Variants in ANK2 observed in about 807,000 individuals in gnomAD.
The protein encoded by ANK2 is ankyrin 2.
In ANK2, 83 loss-of-function variants were observed where a neutral mutation model predicts 360.5. The ratio of observed to expected loss-of-function variants is 0.23; its 90% confidence interval spans 0.19 to 0.28. The LOEUF (loss-of-function observed/expected upper bound fraction) is 0.28. Ranked by LOEUF, ANK2 falls within the 10% of genes least tolerant of loss-of-function variation. The pLI, the probability that ANK2 is intolerant of heterozygous loss-of-function variation, is 1.00. For synonymous variants in ANK2, 1,740 were observed against 1,759.5 expected, an observed-to-expected ratio of 0.99 and a Z score of 0.28; for missense variants, 4,201 against 4,795.7, an observed-to-expected ratio of 0.88 and a Z score of 3.66.
chr4:113,010,476 C>T (rs1386183188), intron 2 of ANK2, among the ~76,000 whole-genome samples: 2 of 152,154 alleles, frequency 1.3e-5, no homozygotes, highest in Non-Finnish European at 2.9e-5. Flanking sequence ...ATGCACCTGA[C>T]ATTGCACTAG....
chr4:112,890,544 T>C (rs536044293), intron 1 of ANK2, among the ~76,000 whole-genome samples: 192 of 148,636 alleles, frequency 1.3e-3, no homozygotes, highest in African/African-American at 4.4e-3. Context: ...ATTTATGATA[T>C]ACATTTCTGT....
chr4:112,804,869 G>T, the ANK2 span, among the ~76,000 whole-genome samples: 1 of 152,042 alleles, frequency 6.6e-6, no homozygotes, highest in South Asian at 2.1e-4. Flanking sequence ...GGCTGAGGCG[G>T]GAGGATTGCT....
intron 2 of ANK2, among the ~76,000 whole-genome samples, chr4:112,924,396 A>C (rs149393964): frequency 5.9e-4 from 90 of 151,866 alleles, no homozygotes; most frequent in African/African-American, 2.1e-3. Flanking sequence ...AACAGAAAAA[A>C]AGAAAAAAAA....
At position 113,317,531 on chromosome 4, in the gene ANK2, T is replaced by C. The variant is rs2083536218; in HGVS notation, c.2694-176T>C. On this transcript the variant is annotated intron_variant, in intron 24 of 45. Transcript: ENST00000357077. ...TGAGCGGTAGGAACCTGTCAAAGGA[T>C]GTGTTAGTTCAGCTGTTGGACAAAA... 8 of 661,068 alleles carry C rather than the reference T, an allele frequency of 1.2e-5. No individual in the cohort carries two copies. In the Admixed American group the frequency reaches 1.5e-4, roughly 12 times the overall value. The allele number at this position is 661,068 out of a possible 1,614,324, so 41.0% of individuals were successfully genotyped here. A position where few individuals can be genotyped will look rare whatever the true frequency, so the allele number is the denominator to read the frequency against.
At chr4:113,160,426 A>G in intron 1 of ANK2, 1 of 318,552 alleles carries the variant, frequency 3.1e-6, no homozygotes, top group South Asian at 2.5e-5. Flanking sequence ...GTGAATTAAT[A>G]AGAGCAGATA....
intron 14 of ANK2, among the ~76,000 whole-genome samples, chr4:113,267,383 G>A (rs1444301846): frequency 1.3e-5 from 2 of 152,094 alleles, no homozygotes; most frequent in Non-Finnish European, 1.5e-5. Context: ...ATGGCTTTAG[G>A]TCTTACATTT....
intron 4 of ANK2, among the ~76,000 whole-genome samples, chr4:113,206,530 T>G (rs902988327): frequency 6.6e-6 from 1 of 152,198 alleles, no homozygotes; most frequent in Non-Finnish European, 1.5e-5. Flanking sequence ...CCTTTGAAAT[T>G]CAAATGAAGG....
In ANK2 at chr4:113,277,892, A is replaced by T; in HGVS notation, c.1739A>T (p.Lys580Ile). The change falls in exon 16 of 46, where the codon AAA (lysine) becomes ATA (isoleucine). Residue 580 changes from lysine to isoleucine, a missense_variant. Physicochemically the swap from Lys to Ile is moderately radical, Grantham distance 102. Transcript: ENST00000357077. ...AAGTATGGAAGCCTGGATGTGGCAA[A>T]ACTTCTCTTGCAACGCCGTGCTGCC... ...AAKYGSLDVA[K>I]LLLQRRAAAD... is the part of the protein sequence containing the mutation. The T allele has an allele frequency of 6.2e-7, 1 of 1,614,068 alleles. No homozygotes were observed. Among genetic ancestry groups the T allele is most frequent in the Non-Finnish European group, 8.5e-7 (1 of 1,179,948 alleles).
Position 113,353,405 on chromosome 4 carries a change from G to C in ANK2, c.4787G>C (p.Ser1596Thr). Residue 1596 changes from serine to threonine, a missense_variant, in exon 38 of 46, where the codon AGT becomes ACT. Physicochemically the swap from Ser to Thr is moderately conservative, Grantham distance 58. Coordinates refer to ENST00000357077, the MANE Select transcript of ANK2 (RefSeq NM_001148.6). ...GLVEEEWVIV[S>T]DEEIEEARQK... is the part of the protein sequence containing the mutation. ...GTTGAAGAGGAATGGGTTATTGTCA[G>C]TGATGAGGAAATAGAAGAGGCTAGG... 6.2e-7 allele frequency: 1 copy of C among 1,614,100 alleles called. No homozygotes were observed. Among genetic ancestry groups the C allele is most frequent in the Non-Finnish European group, 8.5e-7 (1 of 1,179,982 alleles).
In ANK2 at chr4:113,354,150, A is replaced by G. The variant is rs945881696; in HGVS notation, c.5532A>G (p.Pro1844=). ...SSSAKTERHP[P]VSPSSKTEKH... is the part of the protein sequence containing the mutation. ...CCGCAAAAACTGAAAGGCACCCTCC[A>G]GTATCACCATCAAGTAAAACTGAGA... Residue 1844 remains proline, a synonymous_variant, in exon 38 of 46, where the codon CCA becomes CCG. Coordinates refer to ENST00000357077, the MANE Select transcript of ANK2 (RefSeq NM_001148.6). The G allele has an allele frequency of 2.5e-6, 4 of 1,614,104 alleles. No homozygotes were observed. Among genetic ancestry groups the G allele is most frequent in the Non-Finnish European group, 3.4e-6 (4 of 1,179,970 alleles).
the ANK2 span, among the ~76,000 whole-genome samples, chr4:112,709,918 A>G: frequency 1.3e-5 from 2 of 152,076 alleles, no homozygotes; most frequent in Non-Finnish European, 1.5e-5. Context: ...TTGTTTCTTC[A>G]TCAATCCTTC....
chr4:113,214,333 T>G (rs2099062103), intron 4 of ANK2: 1 of 950,780 alleles, frequency 1.1e-6, no homozygotes, highest in African/African-American at 1.6e-5. Flanking sequence ...GTGCAGCGAA[T>G]AGGCTGCACG....
chr4:113,300,243 TA>T (rs1184803491), intron 22 of ANK2, among the ~76,000 whole-genome samples: 1 of 152,158 alleles, frequency 6.6e-6, no homozygotes, highest in Non-Finnish European at 1.5e-5. Context: ...TCACTAGAAA[TA>T]TGCAGGCAAG....
chr4:112,850,329 C>G (rs578026823), intron 1 of ANK2, among the ~76,000 whole-genome samples: 5 of 120,632 alleles, frequency 4.1e-5, no homozygotes, highest in African/African-American at 1.3e-4. Context: ...ATCCATTCAT[C>G]TGTCCATCCA....
chr4:112,810,182 T>TTTTTTTTTTTTTTG, the ANK2 span, among the ~76,000 whole-genome samples: 2 of 111,786 alleles, frequency 1.8e-5, no homozygotes, highest in African/African-American at 6.7e-5. Context: ...TTTTTTTTTT[T>TTTTTTTTTTTTTTG]GTAGCAATGG....
In ANK2 at chr4:113,353,344, A is replaced by C; in HGVS notation, c.4726A>C (p.Ser1576Arg). 6.2e-7 allele frequency: 1 copy of C among 1,614,108 alleles called. No homozygotes were observed. Residue 1576 changes from serine to arginine, a missense_variant, in exon 38 of 46, where the codon AGC becomes CGC. Ser to Arg is a moderately radical substitution (Grantham distance 110). Around this residue, in one of 4 missense-constraint regions of ANK2, gnomAD observed 1,268 missense variants for 1,650.8 expected, o/e 0.77. Coordinates refer to ENST00000357077, the MANE Select transcript of ANK2 (RefSeq NM_001148.6). The part of the protein sequence containing the change: ...LRSGTCTRDE[S>R]SVQSSRSERG... ...AAGTGGAACCTGCACAAGAGATGAAAGCAGTGTGCAGAGCTCTCGGTCTGA... is the reference window on the plus strand; with the variant it reads ...AAGTGGAACCTGCACAAGAGATGAACGCAGTGTGCAGAGCTCTCGGTCTGA...
At chr4:113,231,608 AT>A (rs201095951) in intron 4 of ANK2, among the ~76,000 whole-genome samples, 6,834 of 141,960 alleles carry the variant, frequency 0.048, 166 homozygotes, top group East Asian at 0.075. Context: ...AGACACTAAG[AT>A]TTTTTTTTTT....
intron 2 of ANK2, among the ~76,000 whole-genome samples, chr4:113,011,335 G>A (rs753572842): frequency 2.0e-5 from 3 of 152,008 alleles, no homozygotes; most frequent in Non-Finnish European, 4.4e-5. Flanking sequence ...TTTTATCTCT[G>A]CTCTCTTAGA....
intron 1 of ANK2, among the ~76,000 whole-genome samples, chr4:113,133,477 C>CAAAT (rs912641484): frequency 1.3e-5 from 2 of 152,094 alleles, no homozygotes; most frequent in African/African-American, 4.8e-5. Flanking sequence ...AATTTCATGG[C>CAAAT]AAATAAATAC....
Sources: gnomAD v4.1 joint callset for allele counts (sites outside exome capture counted in the v4.1 genomes callset) on GRCh38, gnomAD v4.1.1 for gene constraint, gnomAD v4.1.1 regional missense constraint, MANE v1.5 for transcripts, NCBI Gene and HGNC (gene_info 2026-07-23, HGNC 2026-07-21) for gene names.